The following NPAS3 variants were observed in gnomAD, a reference collection of about 807,000 sequenced individuals.
The protein encoded by NPAS3 is neuronal PAS domain-containing protein 3.
NPAS3 carries 14 observed loss-of-function variants against 73.1 expected under a neutral mutation model. The ratio of observed to expected loss-of-function variants is 0.19; its 90% confidence interval spans 0.13 to 0.30. The LOEUF (loss-of-function observed/expected upper bound fraction) is 0.30, where lower values mean the gene tolerates loss of function less well. Among genes scored for constraint, NPAS3 ranks in the 10% least tolerant of loss-of-function variants. The pLI is 1.00. For synonymous variants in NPAS3, 620 were observed against 541.5 expected, an observed-to-expected ratio of 1.14 and a Z score of -2.01; for missense variants, 1,096 against 1,250.0, an observed-to-expected ratio of 0.88 and a Z score of 1.86.
At chr14:33,338,892 G>T (rs1253425250) in intron 3 of NPAS3, among the ~76,000 whole-genome samples, 4 of 152,048 alleles carry the variant, frequency 2.6e-5, no homozygotes, top group African/African-American at 9.7e-5. Context: ...ATTTGCATTA[G>T]GCTTTCTGAA....
intron 4 of NPAS3, among the ~76,000 whole-genome samples, chr14:33,385,765 G>C (rs1217875589): frequency 1.3e-5 from 2 of 152,130 alleles, no homozygotes; most frequent in Non-Finnish European, 2.9e-5. Flanking sequence ...TTGCACATAT[G>C]GGTCCTGCAT....
intron 4 of NPAS3, among the ~76,000 whole-genome samples, chr14:33,526,681 A>G (rs951796969): frequency 6.6e-6 from 1 of 151,810 alleles, no homozygotes. Context: ...TGCAAATGCA[A>G]TATAGGAAAT....
At chr14:33,295,785 A>G (rs957936469) in intron 3 of NPAS3, among the ~76,000 whole-genome samples, 4 of 152,206 alleles carry the variant, frequency 2.6e-5, no homozygotes, top group African/African-American at 9.6e-5. Flanking sequence ...CAAAGGTTTT[A>G]TTTGCTAGCT....
Position 32,981,126 on chromosome 14 carries a change from C to A in NPAS3, c.50+41760C>A, listed in dbSNP as rs565083984. On this transcript the variant is annotated intron_variant, in intron 1 of 11. Coordinates refer to ENST00000356141, the Ensembl canonical transcript of NPAS3. The stretch of plus-strand genomic sequence containing the variant: ...AGTTTGCACCTGGTTCCAGGTTTGG[C>A]ATTTCTCCTCATACCATGGAGGAGC... Among the ~76,000 whole-genome samples, 6 of 152,242 alleles carry A rather than the reference C, an allele frequency of 3.9e-5. No individual in the cohort carries two copies. In the South Asian group the frequency reaches 1.2e-3, roughly 32 times the overall value.
intron 3 of NPAS3, among the ~76,000 whole-genome samples, chr14:33,243,714 G>A (rs946541890): frequency 5.9e-5 from 9 of 151,754 alleles, no homozygotes; most frequent in Non-Finnish European, 2.9e-5. Context: ...CTTTGGCATT[G>A]GCCTAGAGCA....
chr14:33,006,010 G>A (rs914502153), intron 1 of NPAS3, among the ~76,000 whole-genome samples: 10 of 152,116 alleles, frequency 6.6e-5, no homozygotes, highest in East Asian at 1.9e-4. Flanking sequence ...ACCAGAAGGC[G>A]GGGAGCCATT....
At chr14:33,343,789 G>A (rs769660204) in intron 3 of NPAS3, among the ~76,000 whole-genome samples, 12 of 152,168 alleles carry the variant, frequency 7.9e-5, no homozygotes, top group Admixed American at 2.6e-4. Flanking sequence ...GGAATTATCC[G>A]TGTAGAAGTT....
intron 5 of NPAS3, among the ~76,000 whole-genome samples, chr14:33,617,814 A>G (rs1156242509): frequency 6.6e-6 from 1 of 152,162 alleles, no homozygotes; most frequent in Non-Finnish European, 1.5e-5. Context: ...GACAAAGACC[A>G]TTCTTTCATG....
intron 8 of NPAS3, among the ~76,000 whole-genome samples, chr14:33,777,836 GT>G: frequency 6.6e-6 from 1 of 152,332 alleles, no homozygotes; most frequent in South Asian, 2.1e-4. Flanking sequence ...TGCTGAAATG[GT>G]TTAAAAGTTT....
chr14:33,683,752 C>A (rs1714698206), intron 6 of NPAS3, among the ~76,000 whole-genome samples: 2 of 152,208 alleles, frequency 1.3e-5, no homozygotes, highest in Non-Finnish European at 2.9e-5. Flanking sequence ...GGGGAAAATA[C>A]TGGAAATATT....
chr14:33,359,874 G>A (rs1168407674), intron 3 of NPAS3, among the ~76,000 whole-genome samples: 1 of 152,216 alleles, frequency 6.6e-6, no homozygotes, highest in African/African-American at 2.4e-5. Flanking sequence ...ATCCCTGCCT[G>A]ACATACATGC....
At chr14:33,710,975 T>C (rs575319915) in intron 6 of NPAS3, among the ~76,000 whole-genome samples, 1 of 152,326 alleles carries the variant, frequency 6.6e-6, no homozygotes, top group African/African-American at 2.4e-5. Context: ...CCCAGTCTTA[T>C]GCCAAACACA....
intron 5 of NPAS3, among the ~76,000 whole-genome samples, chr14:33,621,741 T>G (rs1299463933): frequency 6.6e-6 from 1 of 151,734 alleles, no homozygotes; most frequent in Non-Finnish European, 1.5e-5. Flanking sequence ...AAAACCTAAA[T>G]AAGCAAACTA....
At position 33,008,613 on chromosome 14, in the gene NPAS3, T is replaced by C. The variant is rs139610487; in HGVS notation, c.51-47292T>C. ...GAAGAGTATAAAGAATGAGGACTTA[T>C]AATTTTTAAGTTTAAGGTTGTAGCA... On this transcript the variant is annotated intron_variant, in intron 1 of 11. Coordinates refer to ENST00000356141, the Ensembl canonical transcript of NPAS3. Among the ~76,000 whole-genome samples the C allele has an allele frequency of 2.0e-4, 31 of 152,352 alleles. No homozygotes were observed. The East Asian group carries it at 5.6e-3, about 27-fold the overall frequency.
intron 3 of NPAS3, among the ~76,000 whole-genome samples, chr14:33,345,012 G>T (rs1051517348): frequency 4.6e-5 from 7 of 152,182 alleles, no homozygotes; most frequent in Non-Finnish European, 1.0e-4. Context: ...GGGAGTAGAA[G>T]GAAATTGCTT....
At chr14:33,605,290 A>T (rs2057520748) in intron 5 of NPAS3, among the ~76,000 whole-genome samples, 1 of 151,978 alleles carries the variant, frequency 6.6e-6, no homozygotes, top group African/African-American at 2.4e-5. Flanking sequence ...TCAGTATTTT[A>T]AAAAAAGAAA....
chr14:33,509,797 C>T (rs531365546), intron 4 of NPAS3, among the ~76,000 whole-genome samples: 323 of 152,152 alleles, frequency 2.1e-3, no homozygotes, highest in Middle Eastern at 3.4e-3. Context: ...CTTTATGACT[C>T]TTTAGTCCAT....
intron 6 of NPAS3, among the ~76,000 whole-genome samples, chr14:33,697,257 A>C (rs1202309426): frequency 6.6e-6 from 1 of 152,184 alleles, no homozygotes; most frequent in Non-Finnish European, 1.5e-5. Flanking sequence ...TGTCTATCAG[A>C]CAGCAATACT....
intron 6 of NPAS3, among the ~76,000 whole-genome samples, chr14:33,727,820 T>C (rs1017145407): frequency 6.6e-6 from 1 of 152,166 alleles, no homozygotes; most frequent in Non-Finnish European, 1.5e-5. Flanking sequence ...GCTATATTTT[T>C]CTCCCAGAAT....
Sources: gnomAD v4.1 joint callset for allele counts (sites outside exome capture counted in the v4.1 genomes callset) on GRCh38, gnomAD v4.1.1 for gene constraint, MANE v1.5 for transcripts, NCBI Gene and HGNC (gene_info 2026-07-23, HGNC 2026-07-21) for gene names.